Variants in TRMT11 observed in about 807,000 individuals in gnomAD.
The protein encoded by TRMT11 is tRNA methyltransferase 11.
In TRMT11, 53 loss-of-function variants were observed where a neutral mutation model predicts 62.8. That is an observed-to-expected ratio of 0.84 (90% CI 0.68 to 1.06). The LOEUF is 1.06. TRMT11 is among the 50% of genes least tolerant of loss of function. The probability of loss-of-function intolerance (pLI) is 0.00; values close to 1 mark genes in which losing one functional copy is unlikely to be tolerated. For missense variants in TRMT11, 556 were observed against 553.4 expected (o/e 1.00, Z -0.05); for synonymous variants, 188 against 190.3 (o/e 0.99, Z 0.10).
chr6:126,237,065 T>TAGAGAGAG, the TRMT11 span, among the ~76,000 whole-genome samples: 18 of 142,564 alleles, frequency 1.3e-4, 1 homozygote, highest in South Asian at 3.0e-3. Context: ...CTCCTAGAGA[T>TAGAGAGAG]AGAGAGAGAG....
At chr6:126,096,777 GT>G (rs1777346126) in intron 17 of TRMT11, among the ~76,000 whole-genome samples, 1 of 152,092 alleles carries the variant, frequency 6.6e-6, no homozygotes, top group South Asian at 2.1e-4. Context: ...CCTATAAATA[GT>G]TTTTGGCTTG....
downstream of TRMT11, among the ~76,000 whole-genome samples, chr6:126,043,331 A>G (rs1225329665): frequency 1.3e-5 from 2 of 150,724 alleles, no homozygotes; most frequent in African/African-American, 4.9e-5. Context: ...GCGATAGTTT[A>G]CTGAGAATGA....
intron 21 of TRMT11, among the ~76,000 whole-genome samples, chr6:126,126,179 A>T (rs1055202237): frequency 1.3e-5 from 2 of 152,130 alleles, no homozygotes; most frequent in African/African-American, 4.8e-5. Context: ...AGTGCTATTT[A>T]AAAAAATTCC....
intron 17 of TRMT11, among the ~76,000 whole-genome samples, chr6:126,056,534 C>T (rs911327422): frequency 1.3e-5 from 2 of 152,146 alleles, no homozygotes; most frequent in Non-Finnish European, 1.5e-5. Flanking sequence ...CCTTTGCAGC[C>T]TCCTGATTGG....
chr6:126,180,806 A>T (rs1207983810), intron 1 of TRMT11, among the ~76,000 whole-genome samples: 2 of 152,220 alleles, frequency 1.3e-5, no homozygotes, highest in African/African-American at 2.4e-5. Context: ...TGACTGCTAA[A>T]GTTCTGTCCT....
At chr6:126,053,361 C>G (rs187540668) in intron 17 of TRMT11, among the ~76,000 whole-genome samples, 151 of 152,264 alleles carry the variant, frequency 9.9e-4, no homozygotes, top group African/African-American at 3.5e-3. Flanking sequence ...CCAGCCAATT[C>G]CTAGAGATAA....
chr6:126,112,033 T>C (rs1217595921), intron 17 of TRMT11, among the ~76,000 whole-genome samples: 1 of 152,112 alleles, frequency 6.6e-6, no homozygotes, highest in Non-Finnish European at 1.5e-5. Context: ...AGAACTAAGC[T>C]GAGAAGGCAT....
chr6:126,260,846 T>C, the TRMT11 span, among the ~76,000 whole-genome samples: 1 of 152,230 alleles, frequency 6.6e-6, no homozygotes, highest in African/African-American at 2.4e-5. Context: ...CTTGCAGCTT[T>C]TAGAATTATC....
At chr6:126,218,389 C>G in the TRMT11 span, among the ~76,000 whole-genome samples, 1 of 152,220 alleles carries the variant, frequency 6.6e-6, no homozygotes, top group Non-Finnish European at 1.5e-5. Context: ...TACTACCTGG[C>G]CACTGCTGCT....
At chr6:125,998,365 C>A (rs778797013) in intron 5 of TRMT11, 50 bp downstream of exon 5, 1 of 1,350,718 alleles carries the variant, frequency 7.4e-7, no homozygotes, top group Admixed American at 1.9e-5. Context: ...TGCAGTCTGG[C>A]CATTGTTGAT....
chr6:126,158,304 C>T (rs1374340517), intron 21 of TRMT11, among the ~76,000 whole-genome samples: 2 of 152,136 alleles, frequency 1.3e-5, no homozygotes, highest in Admixed American at 1.3e-4. Flanking sequence ...TGTAAAGTTT[C>T]CCATGGTCTG....
Position 126,034,697 on chromosome 6 carries a change from G to A in TRMT11, c.1261-4008G>A, listed in dbSNP as rs576411257. On this transcript the variant is annotated intron_variant, in intron 12 of 12. Transcript: ENST00000334379. ...TGCTTACTAAACTTTGGCAGAACTCGGGTTTTATGATACGTAGGTGATATC... is the reference window on the plus strand; with the variant it reads ...TGCTTACTAAACTTTGGCAGAACTCAGGTTTTATGATACGTAGGTGATATC... 1.1e-4 allele frequency among the ~76,000 whole-genome samples: 16 copies of A among 152,080 alleles called. No homozygotes were observed. The South Asian group carries it at 1.4e-3, about 14-fold the overall frequency.
At chr6:126,177,455 G>A (rs1219388820) in intron 1 of TRMT11, 1 of 152,106 alleles carries the variant, frequency 6.6e-6, no homozygotes, top group East Asian at 1.9e-4. Context: ...AACTTGTTTA[G>A]CTATTTCTTC....
At chr6:126,068,686 A>G (rs1776758383) in intron 17 of TRMT11, among the ~76,000 whole-genome samples, 1 of 152,152 alleles carries the variant, frequency 6.6e-6, no homozygotes, top group Admixed American at 6.6e-5. Context: ...AAGTCATCCT[A>G]CCTTTTCTTA....
At chr6:126,039,741 G>A (rs188421785), downstream of TRMT11, among the ~76,000 whole-genome samples, 3 of 152,118 alleles carry the variant, frequency 2.0e-5, no homozygotes, top group Non-Finnish European at 4.4e-5. Context: ...TGCCTTTGGT[G>A]GTCAAATGTA....
In TRMT11 at chr6:125,999,446, C is replaced by A; in HGVS notation, c.523-11C>A. The A allele has an allele frequency of 6.3e-7, 1 of 1,582,358 alleles. No homozygotes were observed. The highest frequency in any genetic ancestry group is 2.3e-5 in the East Asian group (1 of 44,332). On this transcript the variant is annotated splice_polypyrimidine_tract_variant and intron_variant, in intron 6 of 12. Coordinates refer to ENST00000334379, the MANE Select transcript of TRMT11 (RefSeq NM_001031712.3). ...ATGGCTATACTAACATAAGAAATAT[C>A]TCTGATTTAGATTGCAGATGGACAG...
At chr6:125,991,443 G>A (rs932298268) in intron 1 of TRMT11, among the ~76,000 whole-genome samples, 4 of 151,668 alleles carry the variant, frequency 2.6e-5, no homozygotes, top group African/African-American at 9.7e-5. Flanking sequence ...TTGTGGAGCC[G>A]GGTGTTAATC....
chr6:126,088,088 T>C (rs1310574252), intron 17 of TRMT11, among the ~76,000 whole-genome samples: 3 of 152,066 alleles, frequency 2.0e-5, no homozygotes, highest in Admixed American at 1.3e-4. Flanking sequence ...ATGTGCAATA[T>C]TAGTATATAG....
At chr6:126,062,928 A>G (rs1202175394) in intron 17 of TRMT11, among the ~76,000 whole-genome samples, 4 of 152,220 alleles carry the variant, frequency 2.6e-5, no homozygotes, top group African/African-American at 9.6e-5. Flanking sequence ...AAGGATGGCA[A>G]TGGATTCTGG....
Sources: allele counts gnomAD v4.1 joint callset (sites outside exome capture counted in the v4.1 genomes callset), GRCh38; gene constraint gnomAD v4.1.1; transcripts MANE v1.5; gene names NCBI Gene and HGNC (gene_info 2026-07-23, HGNC 2026-07-21).